Variants in SSTR3 observed in about 807,000 individuals in gnomAD.
SSTR3 encodes somatostatin receptor type 3.
For missense variants in SSTR3, 504 were observed against 604.7 expected (o/e 0.83, Z 1.75); for synonymous variants, 281 against 269.2 (o/e 1.04, Z -0.43).
chr22:37,213,165 G>A (rs1318785112), upstream of SSTR3, among the ~76,000 whole-genome samples: 1 of 152,196 alleles, frequency 6.6e-6, no homozygotes, highest in African/African-American at 2.4e-5. Flanking sequence ...ACCATTCTCA[G>A]CTCCTAGGCT....
At chr22:37,210,259 G>A (rs955208433) in intron 1 of SSTR3, among the ~76,000 whole-genome samples, 4 of 152,208 alleles carry the variant, frequency 2.6e-5, no homozygotes, top group Non-Finnish European at 4.4e-5. Context: ...GGGGTAGCCC[G>A]CTGGGGGTAA....
intron 1 of SSTR3, among the ~76,000 whole-genome samples, chr22:37,211,450 CGGACCCACCTCCCA>C (rs1926187066): frequency 6.6e-6 from 1 of 152,196 alleles, no homozygotes; most frequent in Non-Finnish European, 1.5e-5. Flanking sequence ...GGAAGACAAG[CGGACCCACCTCCCA>C]GGGTTGTTTG....
upstream of SSTR3, among the ~76,000 whole-genome samples, chr22:37,216,832 G>T (rs1474788658): frequency 6.6e-6 from 1 of 152,104 alleles, no homozygotes; most frequent in African/African-American, 2.4e-5. Context: ...ACAGGGTCTT[G>T]CTCTGTCACC....
At chr22:37,219,695 AAACCACCCC>A in the SSTR3 span, among the ~76,000 whole-genome samples, 1 of 152,210 alleles carries the variant, frequency 6.6e-6, no homozygotes, top group Non-Finnish European at 1.5e-5. Flanking sequence ...CCTGTGTCAC[AAACCACCCC>A]AAAATGTAGT....
chr22:37,208,942 C>T (rs1225885878), intron 1 of SSTR3, among the ~76,000 whole-genome samples: 2 of 152,314 alleles, frequency 1.3e-5, no homozygotes, highest in East Asian at 1.9e-4. Flanking sequence ...AGGAAAGCCA[C>T]GCTCAGGAGG....
upstream of SSTR3, among the ~76,000 whole-genome samples, chr22:37,214,683 A>G (rs1264313356): frequency 2.0e-5 from 3 of 151,972 alleles, no homozygotes; most frequent in African/African-American, 7.3e-5. Context: ...CCCTGCTTCC[A>G]CCCTCGCCCC....
the SSTR3 span, among the ~76,000 whole-genome samples, chr22:37,220,482 G>A: frequency 1.3e-5 from 2 of 152,210 alleles, no homozygotes; most frequent in Non-Finnish European, 2.9e-5. Flanking sequence ...AACCTGGGAG[G>A]TGGAGGTTGC....
Position 37,206,313 on chromosome 22 carries a change from T to G in SSTR3, c.*234A>C. 1.7e-6 allele frequency: 1 copy of G among 593,512 alleles called. No individual in the cohort carries two copies. Among genetic ancestry groups the G allele is most frequent in the Non-Finnish European group, 2.7e-6 (1 of 365,382 alleles). The allele number at this position is 593,512 out of a possible 1,614,324, so 36.8% of individuals were successfully genotyped here. On this transcript the variant is annotated 3_prime_UTR_variant, in exon 2 of 2. Transcript: ENST00000610913. ...AACAGTGCCCTCCAAACCTCTCATC[T>G]GACATAGCTCATCCAGGCTGATGAC...
upstream of SSTR3, among the ~76,000 whole-genome samples, chr22:37,212,821 C>A (rs1446037930): frequency 6.6e-6 from 1 of 152,030 alleles, no homozygotes; most frequent in African/African-American, 2.4e-5. Flanking sequence ...ACACCGGCCG[C>A]AGCACGGACC....
chr22:37,216,489 G>T (rs926002492), upstream of SSTR3, among the ~76,000 whole-genome samples: 4 of 152,008 alleles, frequency 2.6e-5, no homozygotes, highest in Non-Finnish European at 5.9e-5. Flanking sequence ...TCGTTTTTTG[G>T]TTTTTAAAAA....
At chr22:37,219,807 G>A in the SSTR3 span, among the ~76,000 whole-genome samples, 2 of 152,226 alleles carry the variant, frequency 1.3e-5, no homozygotes, top group South Asian at 2.1e-4. Flanking sequence ...GGCTGACTGC[G>A]AGTCACCTGG....
At chr22:37,213,239 G>C (rs1186509494), upstream of SSTR3, among the ~76,000 whole-genome samples, 1 of 152,230 alleles carries the variant, frequency 6.6e-6, no homozygotes. Flanking sequence ...TTTGGTCTAA[G>C]AGACTCTGCC....
At chr22:37,215,743 G>C (rs1316239705), upstream of SSTR3, 1 of 264,596 alleles carries the variant, frequency 3.8e-6, no homozygotes, top group Non-Finnish European at 7.9e-6. Context: ...ATTCCTTATA[G>C]ACCCAGCTTG....
At chr22:37,216,295 C>T (rs530821496), upstream of SSTR3, among the ~76,000 whole-genome samples, 1 of 148,010 alleles carries the variant, frequency 6.8e-6, no homozygotes, top group Non-Finnish European at 1.5e-5. Context: ...TGTCTTAATC[C>T]CTCAATTTTA....
chr22:37,213,114 T>C (rs144938917), upstream of SSTR3, among the ~76,000 whole-genome samples: 25 of 152,338 alleles, frequency 1.6e-4, no homozygotes, highest in African/African-American at 6.0e-4. Flanking sequence ...AGTTTAGAGT[T>C]AGTGTTTCAT....
rs376045241 is a variant in SSTR3 at position 37,207,309 on chromosome 22, C to T, written c.495G>A (p.Ala165=). The T allele has an allele frequency of 5.0e-6, 8 of 1,593,668 alleles. No homozygotes were observed. Among genetic ancestry groups the T allele is most frequent in the Admixed American group, 3.4e-5 (2 of 58,778 alleles). ...RTAPVARTVS[A]AVWVASAVVV... ...CCACGGCTGAGGCCACCCACACAGC[C>T]GCGCTGACCGTGCGGGCCACCGGAG... Residue 165 remains alanine (A), a synonymous_variant, in exon 2 of 2, where the codon GCG becomes GCA. Coordinates refer to ENST00000610913, the MANE Select transcript of SSTR3 (RefSeq NM_001051.5).
rs1457082553 is a variant in SSTR3 at position 37,207,128 on chromosome 22, A to T, written c.676T>A (p.Tyr226Asn). The T allele has an allele frequency of 1.9e-6, 3 of 1,612,614 alleles. No individual in the cohort carries two copies. The Admixed American group carries it at 5.0e-5, about 27-fold the overall frequency. The change falls in exon 2 of 2, where the codon TAC (tyrosine) becomes AAC (asparagine). Residue 226 changes from tyrosine to asparagine, a missense_variant. Transcript: ENST00000610913. ...CGCACCTTCACCACGATGAGCAGGT[A>T]GCAGAGGCAGATGACCAGCAGCGGC... ...FGPLLVICLCYLLIVVKVRSA... is the reference protein window; with the variant it reads ...FGPLLVICLCNLLIVVKVRSA...
upstream of SSTR3, among the ~76,000 whole-genome samples, chr22:37,216,124 C>G (rs772649775): frequency 3.3e-5 from 5 of 152,162 alleles, no homozygotes; most frequent in South Asian, 2.1e-4. Context: ...ACTGAAACTG[C>G]GCTAAGTGGA....
chr22:37,207,824 G>A lies in SSTR3; in HGVS notation c.-21C>T, dbSNP rs1312691676. The A allele has an allele frequency of 4.7e-6, 7 of 1,489,318 alleles. No homozygotes were observed. Among genetic ancestry groups the A allele is most frequent in the Non-Finnish European group, 5.4e-6 (6 of 1,120,864 alleles). 92.3% of individuals were successfully genotyped at this position (1,489,318 alleles called of 1,614,324 possible). ...TCCATGGCTGAGGGGAGGGTGGTCA[G>A]CAGTCAGCTATTTGCCTGGGGGAAG... On this transcript the variant is annotated 5_prime_UTR_variant, in exon 2 of 2. Transcript: ENST00000610913.
Sources: gnomAD v4.1 joint callset for allele counts (sites outside exome capture counted in the v4.1 genomes callset) on GRCh38, gnomAD v4.1.1 for gene constraint, MANE v1.5 for transcripts, NCBI Gene and HGNC (gene_info 2026-07-23, HGNC 2026-07-21) for gene names.